The following CFAP20 variants were observed in gnomAD, a reference collection of about 807,000 sequenced individuals.
The protein encoded by CFAP20 is cilia- and flagella-associated protein 20.
A neutral mutation model predicts 25.5 loss-of-function variants in CFAP20; 14 were observed. That is an observed-to-expected ratio of 0.55 (90% confidence interval 0.36 to 0.86). CFAP20 has a LOEUF of 0.86. Ranked by LOEUF, CFAP20 falls within the 40% of genes least tolerant of loss-of-function variation. The pLI, the probability that CFAP20 is intolerant of heterozygous loss-of-function variation, is 0.01. For synonymous variants in CFAP20, 75 were observed against 91.1 expected (o/e 0.82, Z 1.01); for missense variants, 181 against 248.0 (o/e 0.73, Z 1.81).
chr16:58,129,234 G>A lies in CFAP20; in HGVS notation c.-119C>T. 1 of 1,083,876 alleles carries A rather than the reference G, an allele frequency of 9.2e-7. No individual in the cohort carries two copies. Among genetic ancestry groups the A allele is most frequent in the Non-Finnish European group, 1.3e-6 (1 of 750,242 alleles). 67.1% of individuals were successfully genotyped at this position (1,083,876 alleles called of 1,614,324 possible). A position where few individuals can be genotyped will look rare whatever the true frequency, so the allele number is the denominator to read the frequency against. ...GGCCCTGTTCCGAAGAAGGGTGGTT[G>A]AGCTCCTGGCCTCCGGATCTGCAGC... is the stretch of plus-strand genomic sequence containing the variant. On this transcript the variant is annotated 5_prime_UTR_variant, in exon 1 of 6. Transcript: ENST00000262498.
intron 1 of CFAP20, among the ~76,000 whole-genome samples, chr16:58,117,299 T>C (rs1462324080): frequency 6.6e-6 from 1 of 152,232 alleles, no homozygotes; most frequent in Non-Finnish European, 1.5e-5. Flanking sequence ...AGGCAGGTGA[T>C]ACTGTTTTCA....
At chr16:58,116,769 C>T in intron 2 of CFAP20, 103 bp downstream of exon 2, 9 of 1,046,180 alleles carry the variant, frequency 8.6e-6, no homozygotes, top group Non-Finnish European at 2.8e-6. Flanking sequence ...CAGAGATAGA[C>T]TCACATCCGG....
intron 2 of CFAP20, 130 bp from the exon 3 acceptor site, chr16:58,116,282 T>C: frequency 1.6e-6 from 1 of 612,604 alleles, no homozygotes; most frequent in Non-Finnish European, 2.8e-6. Flanking sequence ...CGCCACCCAG[T>C]GAATCCCTCA....
At chr16:58,117,321 T>C (rs1315986338) in intron 1 of CFAP20, among the ~76,000 whole-genome samples, 2 of 152,250 alleles carry the variant, frequency 1.3e-5, no homozygotes, top group Non-Finnish European at 2.9e-5. Context: ...TTTACAAATG[T>C]GGACATTGGC....
rs1597086160 is a variant in CFAP20 at position 58,115,476 on chromosome 16, A to C, written c.277-19T>G. The C allele has an allele frequency of 6.2e-7, 1 of 1,612,818 alleles. No homozygotes were observed. Among genetic ancestry groups the C allele is most frequent in the Admixed American group, 1.7e-5 (1 of 59,742 alleles). On this transcript the variant is annotated intron_variant, in intron 3 of 5. Coordinates refer to ENST00000262498, the MANE Select transcript of CFAP20 (RefSeq NM_013242.3). ...CTAGTACCTGTGAAATACAGAGAAG[A>C]AGCATCACACTAGCTCTGTCTTGGA...
chr16:58,128,998 C>T (rs1329176273), intron 1 of CFAP20, 34 bp downstream of exon 1: 1 of 1,600,474 alleles, frequency 6.2e-7, no homozygotes, highest in African/African-American at 1.3e-5. Context: ...GGTGCAGCCC[C>T]TCCACCCCGC....
At position 58,129,027 on chromosome 16, in the gene CFAP20, C is replaced by A. The variant is rs1238405495; in HGVS notation, c.84+5G>T. On this transcript the variant is annotated splice_donor_5th_base_variant and intron_variant, in intron 1 of 5. Coordinates refer to ENST00000262498, the MANE Select transcript of CFAP20 (RefSeq NM_013242.3). ...ACCCCGCCCCGTCGCCGCCCCTAGC[C>A]CGACCTTTTTGTCCCAGATTTGCAG... 1.9e-6 allele frequency: 3 copies of A among 1,613,516 alleles called. No individual in the cohort carries two copies. Among genetic ancestry groups the A allele is most frequent in the Non-Finnish European group, 2.5e-6 (3 of 1,179,918 alleles).
At position 58,117,151 on chromosome 16, in the gene CFAP20, T is replaced by C. The variant is rs975134007; in HGVS notation, c.85-200A>G. 5.5e-6 allele frequency: 3 copies of C among 549,150 alleles called. No homozygotes were observed. The African/African-American group carries it at 5.7e-5, about 10-fold the overall frequency. 34.0% of individuals were successfully genotyped at this position (549,150 alleles called of 1,614,324 possible). A position where few individuals can be genotyped will look rare whatever the true frequency, so the allele number is the denominator to read the frequency against. On this transcript the variant is annotated intron_variant, in intron 1 of 5. Coordinates refer to ENST00000262498, the MANE Select transcript of CFAP20 (RefSeq NM_013242.3). ...AAGGGAATCCCAGGTAACTTGGCAA[T>C]CCCTAAATCTGGGGAAACTTCTCCC...
intron 1 of CFAP20, among the ~76,000 whole-genome samples, chr16:58,128,207 C>T (rs1055591256): frequency 7.9e-5 from 12 of 152,132 alleles, no homozygotes; most frequent in East Asian, 3.8e-4. Flanking sequence ...TCTTTCTTCA[C>T]ATCTGCAAAA....
At chr16:58,126,405 A>G (rs1364245285) in intron 1 of CFAP20, among the ~76,000 whole-genome samples, 3 of 152,216 alleles carry the variant, frequency 2.0e-5, no homozygotes, top group African/African-American at 7.2e-5. Context: ...GAAGCTTGCA[A>G]ATTCACTGGT....
chr16:58,115,244 G>A (rs1474769011), intron 4 of CFAP20, 25 bp downstream of exon 4: 1 of 1,613,390 alleles, frequency 6.2e-7, no homozygotes, highest in Admixed American at 1.7e-5. Context: ...CCAACCCAGG[G>A]CTCTATCTGG....
At chr16:58,121,153 A>G (rs1260420941) in intron 1 of CFAP20, among the ~76,000 whole-genome samples, 1 of 152,172 alleles carries the variant, frequency 6.6e-6, no homozygotes, top group East Asian at 1.9e-4. Context: ...TTTGGGGCAA[A>G]GGCTCCCCAC....
chr16:58,116,913 G>A lies in CFAP20; in HGVS notation c.123C>T (p.Asp41=). 1 of 1,614,164 alleles carries A rather than the reference G, an allele frequency of 6.2e-7. No homozygotes were observed. Reference sequence around the variant, plus strand: ...CAATCTCTAGCACCAGGGACTGGATGTCATTATCAGTGATTCTTTTGATGT... The same window carrying A: ...CAATCTCTAGCACCAGGGACTGGATATCATTATCAGTGATTCTTTTGATGT... ...NGHIKRITDN[D]IQSLVLEIEG... is the part of the protein sequence containing the mutation. Residue 41 remains aspartate (D), a synonymous_variant, in exon 2 of 6, where the codon GAC becomes GAT. Coordinates refer to ENST00000262498, the MANE Select transcript of CFAP20 (RefSeq NM_013242.3).
chr16:58,122,568 C>G (rs374933035), intron 1 of CFAP20, among the ~76,000 whole-genome samples: 6 of 151,820 alleles, frequency 4.0e-5, no homozygotes, highest in Non-Finnish European at 2.9e-5. Flanking sequence ...GGTGACAGAG[C>G]GAGACTCTGT....
intron 5 of CFAP20, 151 bp from the exon 6 acceptor site, chr16:58,114,181 C>T: frequency 3.5e-6 from 3 of 864,116 alleles, no homozygotes; most frequent in South Asian, 2.8e-5. Context: ...GGGAAGCACC[C>T]ACCCTTGTGT....
At chr16:58,123,623 A>AAAAAAAAAAAAC (rs1960568959) in intron 1 of CFAP20, among the ~76,000 whole-genome samples, 1 of 145,722 alleles carries the variant, frequency 6.9e-6, no homozygotes, top group African/African-American at 2.5e-5. Context: ...AAAAAAAAAA[A>AAAAAAAAAAAAC]AAAAAAGACT....
chr16:58,124,887 C>T (rs994643512), intron 1 of CFAP20, among the ~76,000 whole-genome samples: 1 of 152,194 alleles, frequency 6.6e-6, no homozygotes, highest in East Asian at 1.9e-4. Context: ...GCTGGGATTA[C>T]AGGCATGAGC....
At chr16:58,116,761 G>C in intron 2 of CFAP20, 111 bp downstream of exon 2, 2 of 946,004 alleles carry the variant, frequency 2.1e-6, no homozygotes, top group Non-Finnish European at 3.2e-6. Context: ...CTAAGTGGCA[G>C]AGATAGACTC....
chr16:58,122,227 C>T (rs1960543176), intron 1 of CFAP20, among the ~76,000 whole-genome samples: 1 of 152,222 alleles, frequency 6.6e-6, no homozygotes, highest in Non-Finnish European at 1.5e-5. Context: ...ACACCAACAA[C>T]CCCTAAGTCA....
Sources: allele counts gnomAD v4.1 joint callset (sites outside exome capture counted in the v4.1 genomes callset), GRCh38; gene constraint gnomAD v4.1.1; transcripts MANE v1.5; gene names NCBI Gene and HGNC (gene_info 2026-07-23, HGNC 2026-07-21).